The following TLK2 variants were observed in gnomAD, a reference collection of about 807,000 sequenced individuals.
TLK2 encodes the protein tousled like kinase 2.
TLK2 carries 6 observed loss-of-function variants against 117.3 expected under a neutral mutation model. The ratio of observed to expected loss-of-function variants is 0.05; its 90% confidence interval spans 0.03 to 0.10. The LOEUF is 0.10. Ranked by LOEUF, TLK2 falls within the 10% of genes least tolerant of loss-of-function variation. TLK2 has a pLI of 1.00. For synonymous variants in TLK2, 257 were observed against 316.7 expected (o/e 0.81, Z 2.00); for missense variants, 299 against 901.2 (o/e 0.33, Z 8.56).
intron 1 of TLK2, among the ~76,000 whole-genome samples, chr17:62,479,738 G>A (rs2071390140): frequency 6.6e-6 from 1 of 152,222 alleles, no homozygotes; most frequent in African/African-American, 2.4e-5. Context: ...GGAATTAGAC[G>A]GAGTGGCTAT....
intron 2 of TLK2, among the ~76,000 whole-genome samples, chr17:62,500,129 G>A (rs1034955566): frequency 2.0e-5 from 3 of 151,890 alleles, no homozygotes; most frequent in Admixed American, 2.0e-4. Context: ...GAGTGCAGTG[G>A]TATGATCATA....
intron 9 of TLK2, among the ~76,000 whole-genome samples, chr17:62,556,302 A>T (rs975950362): frequency 1.3e-5 from 2 of 152,184 alleles, no homozygotes; most frequent in African/African-American, 4.8e-5. Flanking sequence ...CAGCTTTATG[A>T]CCAAATTTGT....
intron 17 of TLK2, among the ~76,000 whole-genome samples, chr17:62,598,565 C>G (rs969582371): frequency 7.9e-5 from 12 of 151,660 alleles, no homozygotes; most frequent in African/African-American, 2.9e-4. Flanking sequence ...CACTCTGTTG[C>G]CCAGGCTGGA....
chr17:62,511,791 T>C (rs1244710081), intron 2 of TLK2, among the ~76,000 whole-genome samples: 1 of 152,224 alleles, frequency 6.6e-6, no homozygotes, highest in Admixed American at 6.5e-5. Context: ...GTGGATATAG[T>C]ACACTTTACT....
intron 11 of TLK2, among the ~76,000 whole-genome samples, chr17:62,567,859 C>G (rs200718188): frequency 1.3e-5 from 2 of 151,790 alleles, no homozygotes; most frequent in East Asian, 3.9e-4. Flanking sequence ...TTTGAGTGAT[C>G]TTTAATTTCC....
At position 62,573,261 on chromosome 17, in the gene TLK2, C is replaced by A; in HGVS notation, c.1015C>A (p.Arg339=). Residue 339 remains arginine, a synonymous_variant, in exon 12 of 22, where the codon CGG becomes AGG. Coordinates refer to ENST00000346027, the MANE Select transcript of TLK2 (RefSeq NM_006852.6). Reference sequence around the variant, plus strand: ...ACAGAGGGAAGAGATAGAAAGACAACGGAAAATGTTAGCAAAGCGGAAACC... The same window carrying A: ...ACAGAGGGAAGAGATAGAAAGACAAAGGAAAATGTTAGCAAAGCGGAAACC... ...NSQREEIERQ[R]KMLAKRKPPA... 1 of 1,613,734 alleles carries A rather than the reference C, an allele frequency of 6.2e-7. No individual in the cohort carries two copies. The highest frequency in any genetic ancestry group is 8.5e-7 in the Non-Finnish European group (1 of 1,179,808).
intron 2 of TLK2, among the ~76,000 whole-genome samples, chr17:62,490,696 C>T (rs941379942): frequency 1.3e-4 from 20 of 152,070 alleles, no homozygotes; most frequent in African/African-American, 3.4e-4. Flanking sequence ...CACGCGCCAC[C>T]GCACGCAGCT....
chr17:62,482,034 C>T (rs994461250), intron 2 of TLK2, among the ~76,000 whole-genome samples: 2 of 152,078 alleles, frequency 1.3e-5, no homozygotes, highest in African/African-American at 2.4e-5. Context: ...CAGCCTCCAC[C>T]TCCTGGGTTC....
intron 6 of TLK2, among the ~76,000 whole-genome samples, chr17:62,525,583 G>T (rs753767954): frequency 8.6e-5 from 13 of 151,790 alleles, no homozygotes; most frequent in Non-Finnish European, 1.6e-4. Context: ...TGAGTAGCTC[G>T]TAGTACAGGC....
intron 13 of TLK2, 53 bp downstream of exon 13, chr17:62,576,828 T>G (rs1432365177): frequency 1.4e-6 from 2 of 1,455,992 alleles, no homozygotes; most frequent in African/African-American, 1.4e-5. Context: ...AGTTTAAATT[T>G]GGGGTTGAAG....
At chr17:62,556,685 C>G (rs1457585071) in intron 9 of TLK2, among the ~76,000 whole-genome samples, 1 of 152,156 alleles carries the variant, frequency 6.6e-6, no homozygotes, top group Non-Finnish European at 1.5e-5. Context: ...CCCAGGGTGT[C>G]TCTATATGTG....
At chr17:62,477,587 A>G (rs1048776099), upstream of TLK2, 1 of 152,220 alleles carries the variant, frequency 6.6e-6, no homozygotes, top group African/African-American at 2.4e-5. Context: ...TAACCCTGAA[A>G]AAGTTCAAGG....
chr17:62,574,341 C>G, intron 12 of TLK2: 1 of 1,543,456 alleles, frequency 6.5e-7, no homozygotes, highest in Non-Finnish European at 8.7e-7. Flanking sequence ...TTATTTTATG[C>G]TAGGCCCTCT....
At chr17:62,511,568 C>A (rs536294819) in intron 2 of TLK2, among the ~76,000 whole-genome samples, 4 of 152,094 alleles carry the variant, frequency 2.6e-5, no homozygotes, top group Admixed American at 2.6e-4. Flanking sequence ...CAGGGTCTCA[C>A]TATATTGGCC....
intron 16 of TLK2, among the ~76,000 whole-genome samples, chr17:62,594,789 TACACACACAC>T (rs143695451): frequency 0.049 from 7,096 of 145,448 alleles, 208 homozygotes; most frequent in Non-Finnish European, 0.07. Context: ...GCAGGGCGGG[TACACACACAC>T]ACACACACAC....
intron 2 of TLK2, among the ~76,000 whole-genome samples, chr17:62,488,331 CCTTT>C (rs2072712223): frequency 6.6e-6 from 1 of 152,154 alleles, no homozygotes; most frequent in Non-Finnish European, 1.5e-5. Context: ...CCAACTGATA[CCTTT>C]CTTTTCATGT....
At chr17:62,596,151 C>G (rs1291060757) in intron 16 of TLK2, among the ~76,000 whole-genome samples, 1 of 152,142 alleles carries the variant, frequency 6.6e-6, no homozygotes, top group Non-Finnish European at 1.5e-5. Flanking sequence ...GACCTCAGCT[C>G]ACTGCATCCT....
intron 7 of TLK2, among the ~76,000 whole-genome samples, chr17:62,537,589 C>T (rs554707251): frequency 6.6e-6 from 1 of 152,248 alleles, no homozygotes; most frequent in South Asian, 2.1e-4. Flanking sequence ...GTGTGTGCAA[C>T]AGAATGGCTT....
At chr17:62,472,750 A>G (rs1396543957) in intron 1 of TLK2, among the ~76,000 whole-genome samples, 1 of 151,998 alleles carries the variant, frequency 6.6e-6, no homozygotes, top group Non-Finnish European at 1.5e-5. Flanking sequence ...AAAAAAAAAA[A>G]AAGCCAGGAG....
Sources: allele counts gnomAD v4.1 joint callset (sites outside exome capture counted in the v4.1 genomes callset), GRCh38; gene constraint gnomAD v4.1.1; transcripts MANE v1.5; gene names NCBI Gene and HGNC (gene_info 2026-07-23, HGNC 2026-07-21).